The following SLC44A5 variants were observed in gnomAD, a reference collection of about 807,000 sequenced individuals.
The protein encoded by SLC44A5 is choline transporter-like protein 5.
A neutral mutation model predicts 101.8 loss-of-function variants in SLC44A5; 57 were observed. That is an observed-to-expected ratio of 0.56 (90% CI 0.45 to 0.70). SLC44A5 has a LOEUF of 0.70. SLC44A5 is among the 30% of genes least tolerant of loss of function. The pLI is 0.00. For missense variants in SLC44A5, 737 were observed against 853.1 expected (o/e 0.86, Z 1.70); for synonymous variants, 281 against 290.9 (o/e 0.97, Z 0.35).
the SLC44A5 span, among the ~76,000 whole-genome samples, chr1:75,678,048 T>C: frequency 6.6e-6 from 1 of 152,202 alleles, no homozygotes; most frequent in African/African-American, 2.4e-5. Flanking sequence ...TACTGCGCTT[T>C]TCCAAAGGGC....
chr1:75,437,304 T>A (rs1664948170), intron 2 of SLC44A5, among the ~76,000 whole-genome samples: 1 of 152,258 alleles, frequency 6.6e-6, no homozygotes, highest in East Asian at 1.9e-4. Flanking sequence ...AATATTACAA[T>A]GGCTATGATA....
At chr1:75,610,071 T>C (rs1675562879) in intron 1 of SLC44A5, among the ~76,000 whole-genome samples, 2 of 151,098 alleles carry the variant, frequency 1.3e-5, no homozygotes, top group Non-Finnish European at 2.9e-5. Flanking sequence ...TTGTTGCTAT[T>C]AGCAGGAGGC....
chr1:75,239,013 A>G (rs142639372), intron 9 of SLC44A5, among the ~76,000 whole-genome samples: 1 of 152,282 alleles, frequency 6.6e-6, no homozygotes, highest in African/African-American at 2.4e-5. Context: ...TAGTTTTACT[A>G]TTAAAAATAC....
chr1:75,656,965 A>G, the SLC44A5 span, among the ~76,000 whole-genome samples: 2 of 152,130 alleles, frequency 1.3e-5, no homozygotes. Context: ...CCTGGCCAAC[A>G]TGGTGAAACC....
the SLC44A5 span, among the ~76,000 whole-genome samples, chr1:75,708,027 T>G: frequency 3.9e-5 from 6 of 152,228 alleles, no homozygotes; most frequent in African/African-American, 1.4e-4. Context: ...CTAAATGTAT[T>G]ATTGCTCTTA....
intron 1 of SLC44A5, among the ~76,000 whole-genome samples, chr1:75,542,940 C>T (rs2101956634): frequency 6.6e-6 from 1 of 152,260 alleles, no homozygotes; most frequent in African/African-American, 2.4e-5. Context: ...TAAGATCTAT[C>T]AACCACTAGT....
At chr1:75,527,589 G>A (rs114937436) in intron 2 of SLC44A5, among the ~76,000 whole-genome samples, 2,851 of 152,256 alleles carry the variant, frequency 0.019, 94 homozygotes, top group African/African-American at 0.065. Flanking sequence ...GGCTCTGTAT[G>A]AGAATTCAGA....
chr1:75,299,181 C>A (rs1440499971), intron 5 of SLC44A5, among the ~76,000 whole-genome samples: 2 of 152,270 alleles, frequency 1.3e-5, no homozygotes, highest in Non-Finnish European at 2.9e-5. Flanking sequence ...TATTGTACTA[C>A]AACTTCATTA....
intron 1 of SLC44A5, among the ~76,000 whole-genome samples, chr1:75,599,165 A>G (rs1674823688): frequency 6.6e-6 from 1 of 151,994 alleles, no homozygotes; most frequent in Non-Finnish European, 1.5e-5. Context: ...GACATTTTGG[A>G]TTAAAGGATA....
At chr1:75,358,700 T>C (rs1385850061) in intron 3 of SLC44A5, among the ~76,000 whole-genome samples, 2 of 152,212 alleles carry the variant, frequency 1.3e-5, no homozygotes, top group African/African-American at 4.8e-5. Flanking sequence ...TGAATAATTT[T>C]TTATTAACAT....
At chr1:75,701,729 C>T in the SLC44A5 span, among the ~76,000 whole-genome samples, 1 of 152,012 alleles carries the variant, frequency 6.6e-6, no homozygotes, top group Non-Finnish European at 1.5e-5. Context: ...TCCTGTTTGC[C>T]GATGACATGA....
intron 2 of SLC44A5, among the ~76,000 whole-genome samples, chr1:75,442,915 A>G (rs577436614): frequency 4.6e-5 from 7 of 152,208 alleles, no homozygotes; most frequent in South Asian, 2.1e-4. Flanking sequence ...TTTAAACTCC[A>G]TAAGTTGGAT....
chr1:75,281,526 C>A (rs1652553453), intron 5 of SLC44A5, among the ~76,000 whole-genome samples: 1 of 150,966 alleles, frequency 6.6e-6, no homozygotes, highest in African/African-American at 2.4e-5. Flanking sequence ...TGTTAACCAC[C>A]AAGATAAAGG....
chr1:75,245,841 G>C (rs1227411374), intron 7 of SLC44A5, among the ~76,000 whole-genome samples: 1 of 152,082 alleles, frequency 6.6e-6, no homozygotes, highest in South Asian at 2.1e-4. Flanking sequence ...ACTTCAAATA[G>C]GGTGCAGATT....
At chr1:75,467,565 A>C (rs1570366037) in intron 2 of SLC44A5, among the ~76,000 whole-genome samples, 1 of 152,220 alleles carries the variant, frequency 6.6e-6, no homozygotes, top group African/African-American at 2.4e-5. Flanking sequence ...AAAGGTGCCA[A>C]GAACATACAC....
In SLC44A5 at chr1:75,361,593, A is replaced by G. The variant is rs74535224; in HGVS notation, c.53-21963T>C. ...TTTTGTCAAACGCTTTTGTGCATCT[A>G]TTGAGATAATCATTTAGTTTTTGTG... is the stretch of plus-strand genomic sequence containing the variant. On this transcript the variant is annotated intron_variant, in intron 3 of 23. Coordinates refer to ENST00000370859, the MANE Select transcript of SLC44A5 (RefSeq NM_001130058.2). Among the ~76,000 whole-genome samples, 1,328 of 152,126 alleles carry G rather than the reference A, an allele frequency of 8.7e-3. 21 individuals carry two copies. The highest frequency in any genetic ancestry group is 0.031 in the African/African-American group (1,272 of 41,536).
intron 1 of SLC44A5, among the ~76,000 whole-genome samples, chr1:75,579,652 G>C (rs1265441692): frequency 6.6e-6 from 1 of 152,110 alleles, no homozygotes; most frequent in Non-Finnish European, 1.5e-5. Flanking sequence ...TCTTGCAGGA[G>C]TCATATGAAA....
chr1:75,488,281 C>T (rs1293607338), intron 2 of SLC44A5, among the ~76,000 whole-genome samples: 2 of 152,192 alleles, frequency 1.3e-5, no homozygotes, highest in African/African-American at 4.8e-5. Flanking sequence ...CCCAAGAAAC[C>T]AGTCCCTGGT....
At chr1:75,371,251 G>T (rs1660204035) in intron 3 of SLC44A5, among the ~76,000 whole-genome samples, 1 of 152,166 alleles carries the variant, frequency 6.6e-6, no homozygotes, top group African/African-American at 2.4e-5. Flanking sequence ...TTTTAAAATA[G>T]AAAACTTCAT....
Sources: allele counts gnomAD v4.1 joint callset (sites outside exome capture counted in the v4.1 genomes callset), GRCh38; gene constraint gnomAD v4.1.1; transcripts MANE v1.5; gene names NCBI Gene and HGNC (gene_info 2026-07-23, HGNC 2026-07-21).